The following RMND1 variants were observed in gnomAD, a reference collection of about 807,000 sequenced individuals.
RMND1 encodes the protein required for meiotic nuclear division protein 1 homolog.
RMND1 carries 41 observed loss-of-function variants against 54.0 expected under a neutral mutation model. That is an observed-to-expected ratio of 0.76 (90% CI 0.59 to 0.98). The LOEUF is 0.98. Among genes scored for constraint, RMND1 ranks in the 50% least tolerant of loss-of-function variants. RMND1 has a pLI of 0.00. For missense variants in RMND1, 457 were observed against 532.0 expected, an observed-to-expected ratio of 0.86 and a Z score of 1.39; for synonymous variants, 183 against 181.7, an observed-to-expected ratio of 1.01 and a Z score of -0.06.
Position 151,445,389 on chromosome 6 carries a change from G to C in RMND1, c.423C>G (p.Phe141Leu). ...STETFVPKQD[F>L]PQVKRPLKAS... ...CTTTTAGTGGTCTCTTCACCTGTGG[G>C]AAGTCTTGTTTTGGAACAAATGTTT... is the stretch of plus-strand genomic sequence containing the variant. Residue 141 changes from phenylalanine (F) to leucine (L), a missense_variant, in exon 2 of 12, where the codon TTC (phenylalanine) becomes TTG (leucine). Physicochemically the swap from Phe to Leu is conservative, Grantham distance 22. Transcript: ENST00000444024. 6.2e-7 allele frequency: 1 copy of C among 1,613,984 alleles called. No individual in the cohort carries two copies. The highest frequency in any genetic ancestry group is 8.5e-7 in the Non-Finnish European group (1 of 1,179,860).
At chr6:151,435,041 G>A (rs1269753678) in intron 3 of RMND1, among the ~76,000 whole-genome samples, 1 of 152,092 alleles carries the variant, frequency 6.6e-6, no homozygotes, top group Non-Finnish European at 1.5e-5. Flanking sequence ...TAAAGGTGGG[G>A]TTTCACCATG....
At chr6:151,445,164 T>C (rs1261579289) in intron 2 of RMND1, 144 bp downstream of exon 2, 2 of 753,340 alleles carry the variant, frequency 2.7e-6, no homozygotes, top group Non-Finnish European at 4.1e-6. Flanking sequence ...CTTTGGATAT[T>C]TATTAGGCTT....
chr6:151,433,583 C>A (rs950707952), intron 3 of RMND1, among the ~76,000 whole-genome samples: 10 of 152,064 alleles, frequency 6.6e-5, no homozygotes, highest in African/African-American at 2.4e-4. Flanking sequence ...CTTCTTTCTA[C>A]AAAATTAAAA....
chr6:151,405,927 GC>G lies in RMND1; in HGVS notation c.1201-92del. ...CTATAGCTATACAGTGAAAAATCCT[GC>G]TCCTCAGTCCTCTCCCCAAAGGCAG... is the stretch of plus-strand genomic sequence containing the variant. On this transcript the variant is annotated intron_variant, in intron 10 of 11. Transcript: ENST00000444024. 7.9e-6 allele frequency: 5 copies of G among 630,238 alleles called. No homozygotes were observed. In the South Asian group the frequency reaches 8.1e-5, roughly 10 times the overall value. 39.0% of individuals were successfully genotyped at this position (630,238 alleles called of 1,614,324 possible). A position where few individuals can be genotyped will look rare whatever the true frequency, so the allele number is the denominator to read the frequency against.
Position 151,432,764 on chromosome 6 carries a change from G to A in RMND1, c.689+391C>T, listed in dbSNP as rs564331990. Among the ~76,000 whole-genome samples, 1,049 of 152,132 alleles carry A rather than the reference G, an allele frequency of 6.9e-3. 15 individuals carry two copies. The highest frequency in any genetic ancestry group is 8.5e-3 in the Non-Finnish European group (575 of 68,008). On this transcript the variant is annotated intron_variant, in intron 4 of 11. Coordinates refer to ENST00000444024, the MANE Select transcript of RMND1 (RefSeq NM_017909.4). ...ACTTTAAAGAGCTACCAAAGGGGAA[G>A]GGAGAAAAAAAAGAAAATGGCAAGA...
At position 151,445,754 on chromosome 6, in the gene RMND1, G is replaced by A. The variant is rs148402145; in HGVS notation, c.58C>T (p.His20Tyr). The A allele has an allele frequency of 6.2e-7, 1 of 1,613,780 alleles. No homozygotes were observed. The highest frequency in any genetic ancestry group is 8.5e-7 in the Non-Finnish European group (1 of 1,180,018). ...ARSHHILSKA[H>Y]QCRRIGHLML... ...AGATGACCGATTCTTCGGCACTGATGTGCTTTTGATAATATATGATGAGAT... is the reference window on the plus strand; with the variant it reads ...AGATGACCGATTCTTCGGCACTGATATGCTTTTGATAATATATGATGAGAT... The change falls in exon 2 of 12, where the codon CAT becomes TAT. Residue 20 changes from histidine (H) to tyrosine (Y), a missense_variant. His to Tyr is a moderately conservative substitution (Grantham distance 83, BLOSUM62 2). Transcript: ENST00000444024.
At position 151,405,314 on chromosome 6, in the gene RMND1, T is replaced by C. The variant is rs772188994; in HGVS notation, c.1318-47A>G. On this transcript the variant is annotated intron_variant, in intron 11 of 11. Coordinates refer to ENST00000444024, the MANE Select transcript of RMND1 (RefSeq NM_017909.4). ...TATTTCATGACGGGCAAATTATGGG[T>C]ACAAACTAAAATGACTTCCAAGATT... The C allele has an allele frequency of 1.1e-5, 17 of 1,524,110 alleles. No homozygotes were observed. In the East Asian group the frequency reaches 3.2e-4, roughly 28 times the overall value. The allele number at this position is 1,524,110 out of a possible 1,614,324, so 94.4% of individuals were successfully genotyped here.
Position 151,430,193 on chromosome 6 carries a change from A to C in RMND1, c.690-16T>G. The C allele has an allele frequency of 1.3e-6, 2 of 1,574,668 alleles. No individual in the cohort carries two copies. The highest frequency in any genetic ancestry group is 1.7e-6 in the Non-Finnish European group (2 of 1,146,146). The stretch of plus-strand genomic sequence containing the variant: ...AGCTCCTTCCCTGATTTAAAAAAAT[A>C]AAAGAAACAACTAAGATACAGATGG... On this transcript the variant is annotated splice_polypyrimidine_tract_variant and intron_variant, in intron 4 of 11. Transcript: ENST00000444024.
At chr6:151,405,894 T>C (rs1779602836) in intron 10 of RMND1, 58 bp from the exon 11 acceptor site, 1 of 877,874 alleles carries the variant, frequency 1.1e-6, no homozygotes, top group South Asian at 1.4e-5. Flanking sequence ...GTCATACACA[T>C]AAAAATTCTA....
Position 151,434,133 on chromosome 6 carries a change from C to A in RMND1, c.614-903G>T, listed in dbSNP as rs908248241. On this transcript the variant is annotated intron_variant, in intron 3 of 11. Transcript: ENST00000444024. ...CAAAGTGCATTACAAGCATGAGCCA[C>A]GGGGCCTGGCCTAAGTATTGTTAAA... Among the ~76,000 whole-genome samples, 44 of 152,120 alleles carry A rather than the reference C, an allele frequency of 2.9e-4. 1 individual carries two copies. Among genetic ancestry groups the A allele is most frequent in the Non-Finnish European group, 8.8e-5 (6 of 68,044 alleles).
At chr6:151,437,862 G>T (rs754161931) in intron 2 of RMND1, among the ~76,000 whole-genome samples, 1 of 152,114 alleles carries the variant, frequency 6.6e-6, no homozygotes, top group African/African-American at 2.4e-5. Context: ...CAGAGAACCT[G>T]AGGATCCATG....
chr6:151,420,937 T>A, intron 9 of RMND1: 1 of 191,132 alleles, frequency 5.2e-6, no homozygotes, highest in Non-Finnish European at 1.1e-5. Flanking sequence ...TTACAGAGAA[T>A]TCCCATTAAC....
chr6:151,412,147 G>A (rs547658558), intron 10 of RMND1, among the ~76,000 whole-genome samples: 50 of 151,996 alleles, frequency 3.3e-4, no homozygotes, highest in African/African-American at 6.8e-4. Flanking sequence ...GATTACAGGC[G>A]TCCACCACCA....
At chr6:151,419,156 C>T (rs1178021322) in intron 9 of RMND1, among the ~76,000 whole-genome samples, 3 of 151,528 alleles carry the variant, frequency 2.0e-5, no homozygotes, top group Non-Finnish European at 4.4e-5. Flanking sequence ...CCTTCGCCTC[C>T]TGGGTTCAAC....
chr6:151,444,550 T>C (rs563123319), intron 2 of RMND1: 4 of 152,296 alleles, frequency 2.6e-5, no homozygotes, highest in Admixed American at 1.3e-4. Flanking sequence ...AATCAAGACT[T>C]GAAGACAGAC....
chr6:151,411,704 A>T (rs550184194), intron 10 of RMND1: 1 of 152,340 alleles, frequency 6.6e-6, no homozygotes, highest in African/African-American at 2.4e-5. Context: ...AGATCAGATC[A>T]TTAAATTTGG....
At chr6:151,429,833 A>G (rs187483133) in intron 5 of RMND1, among the ~76,000 whole-genome samples, 2 of 152,342 alleles carry the variant, frequency 1.3e-5, no homozygotes, top group East Asian at 3.9e-4. Context: ...ACCAGCTTCC[A>G]ATTAACTGCA....
chr6:151,451,396 AAATCCTATCTTTTG>A (rs1562805193), intron 1 of RMND1, among the ~76,000 whole-genome samples: 1 of 152,180 alleles, frequency 6.6e-6, no homozygotes, highest in Admixed American at 6.5e-5. Context: ...AAATAGACAA[AAATCCTATCTTTTG>A]AATCTTTTGA....
chr6:151,439,779 C>A (rs1780719043), intron 2 of RMND1, among the ~76,000 whole-genome samples: 1 of 152,190 alleles, frequency 6.6e-6, no homozygotes. Flanking sequence ...CCTGCCGCAG[C>A]CTCTCGAGTT....
Sources: allele counts gnomAD v4.1 joint callset (sites outside exome capture counted in the v4.1 genomes callset), GRCh38; gene constraint gnomAD v4.1.1; transcripts MANE v1.5; gene names NCBI Gene and HGNC (gene_info 2026-07-23, HGNC 2026-07-21).